Variants in NECAB2 observed in about 807,000 individuals in gnomAD.
The protein encoded by NECAB2 is N-terminal EF-hand calcium binding protein 2, also known as N-terminal EF-hand calcium-binding protein 2.
In NECAB2, 68 loss-of-function variants were observed where a neutral mutation model predicts 51.9. The ratio of observed to expected loss-of-function variants is 1.31; its 90% confidence interval spans 1.08 to 1.60. The LOEUF (loss-of-function observed/expected upper bound fraction) is 1.60, where lower values mean the gene tolerates loss of function less well. Ranked by LOEUF, NECAB2 falls within the 40% of genes most tolerant of loss-of-function variation. The pLI is 0.00. For synonymous variants in NECAB2, 329 were observed against 203.5 expected, an observed-to-expected ratio of 1.62 and a Z score of -5.25; for missense variants, 854 against 490.3, an observed-to-expected ratio of 1.74 and a Z score of -7.00.
intron 2 of NECAB2, among the ~76,000 whole-genome samples, chr16:83,977,545 T>G (rs1399703578): frequency 6.6e-6 from 1 of 152,038 alleles, no homozygotes; most frequent in Non-Finnish European, 1.5e-5. Flanking sequence ...TGGGTGGGAC[T>G]GGTGGCATGT....
chr16:83,967,490 T>A (rs890214789), upstream of NECAB2, among the ~76,000 whole-genome samples: 2 of 1,442 alleles, frequency 1.4e-3, no homozygotes, highest in Non-Finnish European at 2.8e-3. Flanking sequence ...GGGGGGTGGG[T>A]GGGTGGGTGG....
chr16:83,965,372 C>T (rs1416421954), upstream of NECAB2: 14 of 1,573,500 alleles, frequency 8.9e-6, no homozygotes, highest in Admixed American at 3.4e-5. Flanking sequence ...CTTCATCCAC[C>T]ATGAGCTGTC....
chr16:83,994,934 C>T (rs982058325), intron 8 of NECAB2, among the ~76,000 whole-genome samples: 3 of 152,172 alleles, frequency 2.0e-5, no homozygotes, highest in Non-Finnish European at 4.4e-5. Flanking sequence ...TCAGGCGGGC[C>T]TGCAGGCAGC....
At chr16:83,965,340 G>T (rs1597185127), upstream of NECAB2, 1 of 1,572,120 alleles carries the variant, frequency 6.4e-7, no homozygotes, top group Non-Finnish European at 8.6e-7. Flanking sequence ...GCCCGGCTGG[G>T]CATCCCCGGG....
In NECAB2 at chr16:83,997,411, C is replaced by G. The variant is rs1210960770; in HGVS notation, c.849+142C>G. On this transcript the variant is annotated intron_variant, in intron 9 of 12. Transcript: ENST00000305202. ...GGGAGATGTCGCCCAGCGCTTGGCACCCAGACCCTGCCCTGGCACAGGAGC... is the reference window on the plus strand; with the variant it reads ...GGGAGATGTCGCCCAGCGCTTGGCAGCCAGACCCTGCCCTGGCACAGGAGC... 2.0e-5 allele frequency: 21 copies of G among 1,049,028 alleles called. No individual in the cohort carries two copies. In the East Asian group the frequency reaches 2.1e-4, roughly 11 times the overall value. The allele number at this position is 1,049,028 out of a possible 1,614,324, so 65.0% of individuals were successfully genotyped here.
At position 83,999,492 on chromosome 16, in the gene NECAB2, G is replaced by A. The variant is rs369847216; in HGVS notation, c.962+1175G>A. On this transcript the variant is annotated intron_variant, in intron 10 of 12. Transcript: ENST00000305202. ...TGAGATTCTACTTCCCAGGCATGGTGCACCTAAAGCTGCACGGAGGTGTGT... is the reference window on the plus strand; with the variant it reads ...TGAGATTCTACTTCCCAGGCATGGTACACCTAAAGCTGCACGGAGGTGTGT... Among the ~76,000 whole-genome samples, 30 of 152,260 alleles carry A rather than the reference G, an allele frequency of 2.0e-4. 1 individual carries two copies. In the South Asian group the frequency reaches 6.2e-3, roughly 32 times the overall value.
At chr16:84,002,211 C>T in intron 12 of NECAB2, 107 bp from the exon 13 acceptor site, 3 of 1,386,978 alleles carry the variant, frequency 2.2e-6, no homozygotes, top group Non-Finnish European at 3.1e-6. Context: ...GTGTGTCACA[C>T]AAGGACTCAA....
intron 8 of NECAB2, among the ~76,000 whole-genome samples, chr16:83,996,646 C>G (rs537837614): frequency 2.0e-5 from 3 of 152,136 alleles, no homozygotes; most frequent in African/African-American, 7.2e-5. Flanking sequence ...ACATGGCTTT[C>G]GTGCCTTCAG....
intron 3 of NECAB2, among the ~76,000 whole-genome samples, chr16:83,979,117 G>C (rs1192514461): frequency 6.6e-6 from 1 of 152,192 alleles, no homozygotes; most frequent in African/African-American, 2.4e-5. Flanking sequence ...GGAAAATGCA[G>C]ATTCTACTCA....
At chr16:83,985,062 C>T (rs1240080276) in intron 5 of NECAB2, among the ~76,000 whole-genome samples, 1 of 152,042 alleles carries the variant, frequency 6.6e-6, no homozygotes, top group Admixed American at 6.6e-5. Context: ...CCTGTTATCC[C>T]AGTACTTTGG....
At chr16:83,966,008 C>A (rs772795193), upstream of NECAB2, 4 of 1,547,392 alleles carry the variant, frequency 2.6e-6, no homozygotes, top group African/African-American at 1.4e-5. Flanking sequence ...GCCACCCTAA[C>A]ACTCGGCCAG....
rs1254218662 is a variant in NECAB2, at chr16:83,972,616, G to C, written c.226+441G>C. Among the ~76,000 whole-genome samples, 3 of 152,232 alleles carry C rather than the reference G, an allele frequency of 2.0e-5. No individual in the cohort carries two copies. The East Asian group carries it at 5.8e-4, about 29-fold the overall frequency. On this transcript the variant is annotated intron_variant, in intron 2 of 12. Transcript: ENST00000305202. The stretch of plus-strand genomic sequence containing the variant: ...AGCAACCTGAGCAGTCAGTGCTCTT[G>C]CCTCTGTTGACACCATAGCAGCCCA...
At chr16:84,000,877 C>T in intron 11 of NECAB2, 76 bp downstream of exon 11, 11 of 1,450,062 alleles carry the variant, frequency 7.6e-6, no homozygotes, top group Admixed American at 1.7e-5. Context: ...AGCCAGGCAT[C>T]CTTGGAGGGG....
intron 9 of NECAB2, among the ~76,000 whole-genome samples, chr16:83,997,968 T>A (rs1597226410): frequency 6.6e-6 from 1 of 152,232 alleles, no homozygotes; most frequent in African/African-American, 2.4e-5. Context: ...GGGGCCTCTG[T>A]AAACAACCTC....
At chr16:83,989,214 G>C (rs2084591284) in intron 5 of NECAB2, among the ~76,000 whole-genome samples, 1 of 152,148 alleles carries the variant, frequency 6.6e-6, no homozygotes, top group Non-Finnish European at 1.5e-5. Flanking sequence ...TGTGGTTTTG[G>C]TCATTGCCAT....
Position 83,972,247 on chromosome 16 carries a change from G to C in NECAB2, c.226+72G>C, listed in dbSNP as rs560929408. 10 of 1,607,502 alleles carry C rather than the reference G, an allele frequency of 6.2e-6. No homozygotes were observed. The African/African-American group carries it at 1.2e-4, about 19-fold the overall frequency. On this transcript the variant is annotated intron_variant, in intron 2 of 12. Transcript: ENST00000305202. The stretch of plus-strand genomic sequence containing the variant: ...CGTGCTTCATGGGGAAGGGATCAGG[G>C]ATAGGAGACAAGCGCAACCTTGAAC...
At chr16:83,969,884 C>T (rs1241669265) in intron 1 of NECAB2, among the ~76,000 whole-genome samples, 2 of 152,224 alleles carry the variant, frequency 1.3e-5, no homozygotes, top group Non-Finnish European at 2.9e-5. Context: ...GATTCCCTCC[C>T]TTCCTCTCTC....
At chr16:83,966,857 A>G (rs1448207198), upstream of NECAB2, among the ~76,000 whole-genome samples, 1 of 152,060 alleles carries the variant, frequency 6.6e-6, no homozygotes, top group Non-Finnish European at 1.5e-5. Context: ...CTAAGGTGCT[A>G]CCTTTTCATA....
chr16:83,990,993 T>G (rs2084616890), intron 6 of NECAB2, among the ~76,000 whole-genome samples: 1 of 152,170 alleles, frequency 6.6e-6, no homozygotes, highest in Non-Finnish European at 1.5e-5. Flanking sequence ...TTTATTTATT[T>G]TTTTGTTTTA....
Sources: gnomAD v4.1 joint callset for allele counts (sites outside exome capture counted in the v4.1 genomes callset) on GRCh38, gnomAD v4.1.1 for gene constraint, MANE v1.5 for transcripts, NCBI Gene and HGNC (gene_info 2026-07-23, HGNC 2026-07-21) for gene names.